NPSR1: variants seen among roughly 807,000 people sequenced by gnomAD.
NPSR1 encodes neuropeptide S receptor 1.
Under a neutral mutation model 46.9 loss-of-function variants are expected in NPSR1, and 48 were observed. The observed-to-expected ratio is 1.02, with a 90% CI of 0.81 to 1.30. The LOEUF (loss-of-function observed/expected upper bound fraction) is 1.30, where lower values mean the gene tolerates loss of function less well. NPSR1 is among the 50% of genes most tolerant of loss of function. The probability of loss-of-function intolerance (pLI) is 0.00; values close to 1 mark genes in which losing one functional copy is unlikely to be tolerated. For missense variants in NPSR1, 450 were observed against 449.5 expected, an observed-to-expected ratio of 1.00 and a Z score of -0.01; for synonymous variants, 176 against 168.1, an observed-to-expected ratio of 1.05 and a Z score of -0.36.
At chr7:34,692,145 A>G (rs918701869) in intron 2 of NPSR1, among the ~76,000 whole-genome samples, 4 of 151,874 alleles carry the variant, frequency 2.6e-5, no homozygotes, top group Non-Finnish European at 4.4e-5. Context: ...ACAAAACGAA[A>G]CAAAATAAAA....
chr7:34,850,881 T>C (rs1790916272), downstream of NPSR1, among the ~76,000 whole-genome samples: 1 of 152,178 alleles, frequency 6.6e-6, no homozygotes, highest in Admixed American at 6.5e-5. Context: ...CTTTATCGTT[T>C]TTGCCTGTCA....
chr7:34,684,039 CAG>C (rs1253070969), intron 1 of NPSR1, among the ~76,000 whole-genome samples: 2 of 152,114 alleles, frequency 1.3e-5, no homozygotes, highest in African/African-American at 4.8e-5. Context: ...TATAATTTTA[CAG>C]AGTTGTAATC....
intron 1 of NPSR1, among the ~76,000 whole-genome samples, chr7:34,678,866 C>T (rs1792470920): frequency 6.6e-6 from 1 of 151,614 alleles, no homozygotes; most frequent in African/African-American, 2.4e-5. Flanking sequence ...TTCTTATAAA[C>T]TTCACTGTAA....
intron 2 of NPSR1, among the ~76,000 whole-genome samples, chr7:34,713,905 C>T (rs766521527): frequency 3.3e-5 from 5 of 152,256 alleles, no homozygotes; most frequent in Admixed American, 6.5e-5. Context: ...TTCACATGAA[C>T]ATGTGTCCTT....
chr7:34,808,872 A>T (rs325460), intron 3 of NPSR1, among the ~76,000 whole-genome samples: 73,030 of 151,838 alleles, frequency 0.48, 17,892 homozygotes, highest in African/African-American at 0.55. Context: ...TAACTTTTAA[A>T]TTTTTTTACC....
downstream of NPSR1, among the ~76,000 whole-genome samples, chr7:34,852,760 G>A (rs1241424114): frequency 6.6e-6 from 1 of 152,164 alleles, no homozygotes; most frequent in Admixed American, 6.5e-5. Flanking sequence ...CCAGCAGGAC[G>A]ATACCTAAAA....
intron 2 of NPSR1, among the ~76,000 whole-genome samples, chr7:34,735,145 G>A (rs575267710): frequency 6.6e-6 from 1 of 152,310 alleles, no homozygotes; most frequent in African/African-American, 2.4e-5. Flanking sequence ...TTGAGATAGT[G>A]TTATTAGAAG....
intron 3 of NPSR1, among the ~76,000 whole-genome samples, chr7:34,796,369 C>G (rs1788171156): frequency 6.6e-6 from 1 of 152,042 alleles, no homozygotes; most frequent in African/African-American, 2.4e-5. Flanking sequence ...AATTTCTGCT[C>G]TGCAAAAGGC....
intron 2 of NPSR1, among the ~76,000 whole-genome samples, chr7:34,729,047 C>A (rs190997967): frequency 1.1e-4 from 16 of 152,300 alleles, no homozygotes; most frequent in African/African-American, 3.6e-4. Context: ...CCCAGCTCTT[C>A]TTTGCTATAG....
At chr7:34,859,319 G>A (rs1174147594) in intron 8 of NPSR1, among the ~76,000 whole-genome samples, 2 of 151,680 alleles carry the variant, frequency 1.3e-5, no homozygotes, top group Non-Finnish European at 2.9e-5. Flanking sequence ...AGGGGACCTG[G>A]AATCCTTAAG....
At chr7:34,783,679 A>T (rs1787334039) in intron 3 of NPSR1, among the ~76,000 whole-genome samples, 1 of 152,156 alleles carries the variant, frequency 6.6e-6, no homozygotes, top group Non-Finnish European at 1.5e-5. Context: ...TTCTAATCAG[A>T]TTTAATGAAA....
chr7:34,675,237 A>G (rs1792257928), intron 1 of NPSR1, among the ~76,000 whole-genome samples: 1 of 152,224 alleles, frequency 6.6e-6, no homozygotes, highest in African/African-American at 2.4e-5. Flanking sequence ...TTTATTGTGC[A>G]CCTACTACAT....
At chr7:34,726,434 T>C (rs1188996370) in intron 2 of NPSR1, among the ~76,000 whole-genome samples, 1 of 152,236 alleles carries the variant, frequency 6.6e-6, no homozygotes, top group African/African-American at 2.4e-5. Flanking sequence ...GGACTGTCAC[T>C]TTGGAAGACA....
chr7:34,743,035 T>C (rs1785028867), intron 2 of NPSR1, among the ~76,000 whole-genome samples: 1 of 152,230 alleles, frequency 6.6e-6, no homozygotes, highest in East Asian at 1.9e-4. Context: ...AAGTTTCTTA[T>C]AAGTGCTAGA....
intron 4 of NPSR1, among the ~76,000 whole-genome samples, chr7:34,818,900 C>T (rs374749352): frequency 1.3e-5 from 2 of 152,180 alleles, no homozygotes; most frequent in Admixed American, 6.5e-5. Context: ...CTTCCTTACA[C>T]CTTATACGAA....
chr7:34,773,380 A>G (rs565441793), intron 2 of NPSR1, among the ~76,000 whole-genome samples: 1 of 152,194 alleles, frequency 6.6e-6, no homozygotes, highest in South Asian at 2.1e-4. Context: ...CACCCCCTTC[A>G]CAATTAAGTG....
chr7:34,753,906 T>C (rs992229077), intron 2 of NPSR1, among the ~76,000 whole-genome samples: 3 of 151,960 alleles, frequency 2.0e-5, no homozygotes, highest in African/African-American at 7.3e-5. Flanking sequence ...GAAAAAATAA[T>C]AGAAGGCTTT....
At chr7:34,704,883 G>A (rs758680620) in intron 2 of NPSR1, among the ~76,000 whole-genome samples, 11 of 152,156 alleles carry the variant, frequency 7.2e-5, no homozygotes, top group Non-Finnish European at 1.3e-4. Context: ...CCAAGTTCTG[G>A]GTTTGTTGGG....
intron 2 of NPSR1, chr7:34,751,008 T>G: frequency 1.3e-6 from 1 of 771,566 alleles, no homozygotes; most frequent in Non-Finnish European, 2.4e-6. Flanking sequence ...GAAGAACTTC[T>G]TGGCCAGGGC....
Sources: allele counts gnomAD v4.1 joint callset (sites outside exome capture counted in the v4.1 genomes callset), GRCh38; gene constraint gnomAD v4.1.1; transcripts MANE v1.5; gene names NCBI Gene and HGNC (gene_info 2026-07-23, HGNC 2026-07-21).